The following C8B variants were observed in gnomAD, a reference collection of about 807,000 sequenced individuals.
C8B encodes complement component C8 beta chain.
Under a neutral mutation model 64.6 loss-of-function variants are expected in C8B, and 67 were observed. The observed-to-expected ratio is 1.04, with a 90% CI of 0.85 to 1.27. C8B has a LOEUF of 1.27. Ranked by LOEUF, C8B falls within the 50% of genes most tolerant of loss-of-function variation. The pLI is 0.00. For synonymous variants in C8B, 284 were observed against 257.7 expected (o/e 1.10, Z -0.98); for missense variants, 790 against 725.2 (o/e 1.09, Z -1.03).
Position 56,949,722 on chromosome 1 carries a change from C to A in C8B, c.697G>T (p.Glu233Ter). 1 of 1,613,400 alleles carries A rather than the reference C, an allele frequency of 6.2e-7. No individual in the cohort carries two copies. The highest frequency in any genetic ancestry group is 1.3e-5 in the African/African-American group (1 of 75,006). Residue 233 changes from glutamate (E) to a stop codon, truncating the protein, a stop_gained, in exon 6 of 12, where the codon GAG becomes TAG. Transcript: ENST00000371237. LOFTEE classifies it high-confidence loss of function. ...TCAAAATCTGAGTATGATTCATACT[C>A]TTTTAATATGAATTCGTATTTGCCT... ...TQGKYEFILK[E>*]YESYSDFERN...
At chr1:56,943,094 T>C (rs924156590) in intron 8 of C8B, among the ~76,000 whole-genome samples, 2 of 150,552 alleles carry the variant, frequency 1.3e-5, no homozygotes, top group African/African-American at 2.4e-5. Context: ...AAATAAAAAA[T>C]AAAAAATAAA....
At chr1:56,959,937 G>T in intron 2 of C8B, 83 bp downstream of exon 2, 12 of 1,448,176 alleles carry the variant, frequency 8.3e-6, no homozygotes, top group Non-Finnish European at 1.1e-5. Context: ...TATGTGCCAG[G>T]CACTGTTAGC....
chr1:56,936,318 A>G (rs1644774061), intron 9 of C8B, among the ~76,000 whole-genome samples: 1 of 152,216 alleles, frequency 6.6e-6, no homozygotes, highest in Non-Finnish European at 1.5e-5. Context: ...GTCATTGAGT[A>G]TTGTAGACTT....
chr1:56,932,472 A>G (rs933028812), intron 10 of C8B, among the ~76,000 whole-genome samples: 8 of 152,116 alleles, frequency 5.3e-5, no homozygotes, highest in African/African-American at 1.9e-4. Flanking sequence ...AGGTGGGTCC[A>G]AGTTTCTAGG....
intron 6 of C8B, among the ~76,000 whole-genome samples, chr1:56,946,910 T>C (rs1644951422): frequency 6.6e-6 from 1 of 152,210 alleles, no homozygotes. Flanking sequence ...CTGGTGCCTA[T>C]TGCCCTGGGG....
intron 9 of C8B, 30 bp downstream of exon 9, chr1:56,940,819 G>A: frequency 6.2e-7 from 1 of 1,613,816 alleles, no homozygotes; most frequent in South Asian, 1.1e-5. Flanking sequence ...TCTGGGTGGA[G>A]GAAAGGATGG....
At chr1:56,944,274 G>C (rs1320535398) in intron 7 of C8B, among the ~76,000 whole-genome samples, 1 of 152,128 alleles carries the variant, frequency 6.6e-6, no homozygotes, top group Non-Finnish European at 1.5e-5. Context: ...ATAGTATCTG[G>C]CAAAGAAAAG....
chr1:56,965,389 G>T (rs777046510), intron 1 of C8B, among the ~76,000 whole-genome samples: 3 of 113,790 alleles, frequency 2.6e-5, no homozygotes, highest in Non-Finnish European at 5.5e-5. Flanking sequence ...GAGAGAGAGA[G>T]AGAGAGAGAG....
At chr1:56,933,045 A>AG (rs1222097655) in intron 10 of C8B, among the ~76,000 whole-genome samples, 1 of 152,184 alleles carries the variant, frequency 6.6e-6, no homozygotes, top group African/African-American at 2.4e-5. Context: ...ACATGCACAA[A>AG]GGGCTTCTCC....
rs201494982 is a variant in C8B at position 56,945,837 on chromosome 1, C to T, written c.1089G>A (p.Glu363=). ...GCAGTATACCTCCTCTCTCCATGGC[C>T]TCTTTGTTCATAACGAGGGTGTATT... ...IYEYTLVMNK[E]AMERGDYTLN... is the part of the protein sequence containing the mutation. The change falls in exon 7 of 12, where the codon GAG becomes GAA. Residue 363 remains glutamate, a synonymous_variant. Coordinates refer to ENST00000371237, the MANE Select transcript of C8B (RefSeq NM_000066.4). 2.5e-6 allele frequency: 4 copies of T among 1,614,124 alleles called. No homozygotes were observed. The highest frequency in any genetic ancestry group is 3.4e-6 in the Non-Finnish European group (4 of 1,180,008).
At chr1:56,959,828 A>G (rs1358573173) in intron 2 of C8B, among the ~76,000 whole-genome samples, 192 bp downstream of exon 2, 2 of 152,224 alleles carry the variant, frequency 1.3e-5, no homozygotes, top group African/African-American at 4.8e-5. Flanking sequence ...GTGTGCTTGG[A>G]AAACACTGGA....
intron 3 of C8B, among the ~76,000 whole-genome samples, chr1:56,956,302 C>A (rs1174877666): frequency 6.6e-6 from 1 of 152,184 alleles, no homozygotes; most frequent in Non-Finnish European, 1.5e-5. Flanking sequence ...TCACTTGATG[C>A]TTATAACAGA....
rs774266775 is a variant in C8B at position 56,949,674 on chromosome 1, C to T, written c.745G>A (p.Ala249Thr). The T allele has an allele frequency of 2.1e-5, 34 of 1,613,846 alleles. No individual in the cohort carries two copies. The highest frequency in any genetic ancestry group is 2.4e-5 in the Non-Finnish European group (28 of 1,179,914). ...CCAAAACTGAAACCAGACTTGCTTG[C>T]CATTTTCTCTGTGACATTGCGTTCA... ...DFERNVTEKM[A>T]SKSGFSFGFK... The change falls in exon 6 of 12, where the codon GCA becomes ACA. Residue 249 changes from alanine (A) to threonine (T), a missense_variant. Physicochemically the swap from Ala to Thr is moderately conservative, Grantham distance 58. Transcript: ENST00000371237.
chr1:56,965,892 A>C lies in C8B; in HGVS notation c.57T>G (p.Cys19Trp). 6.2e-7 allele frequency: 1 copy of C among 1,614,076 alleles called. No homozygotes were observed. Among genetic ancestry groups the C allele is most frequent in the African/African-American group, 1.3e-5 (1 of 75,010 alleles). Residue 19 changes from cysteine (C) to tryptophan (W), a missense_variant, in exon 1 of 12, where the codon TGT (cysteine) becomes TGG (tryptophan). Transcript: ENST00000371237. Reference sequence around the variant, plus strand: ...GCAAACTGAGACAGCCCAGGGCAGCACAGAGAAGAAATAGCTCCACCGGCG... The same window carrying C: ...GCAAACTGAGACAGCCCAGGGCAGCCCAGAGAAGAAATAGCTCCACCGGCG... The part of the protein sequence containing the change: ...WRAPVELFLL[C>W]AALGCLSLPG...
chr1:56,951,857 C>G (rs556240991), intron 5 of C8B, among the ~76,000 whole-genome samples, 191 bp downstream of exon 5: 3 of 152,198 alleles, frequency 2.0e-5, no homozygotes, highest in African/African-American at 7.2e-5. Context: ...GCTCTACAAC[C>G]GCCCTCCTGT....
intron 1 of C8B, 30 bp from the exon 2 acceptor site, chr1:56,960,206 C>A (rs113214180): frequency 2.5e-6 from 4 of 1,606,050 alleles, no homozygotes; most frequent in Non-Finnish European, 3.4e-6. Flanking sequence ...AAGAGAGTCA[C>A]GTATCAGAAG....
At chr1:56,932,890 G>C (rs1644722660) in intron 10 of C8B, among the ~76,000 whole-genome samples, 1 of 152,108 alleles carries the variant, frequency 6.6e-6, no homozygotes, top group African/African-American at 2.4e-5. Flanking sequence ...TATCACAACA[G>C]GAGCATAAGA....
intron 4 of C8B, among the ~76,000 whole-genome samples, chr1:56,954,386 A>G (rs1303247205): frequency 1.3e-5 from 2 of 152,138 alleles, no homozygotes. Flanking sequence ...TGTTAAAATA[A>G]AGGCTCCCCT....
intron 9 of C8B, among the ~76,000 whole-genome samples, chr1:56,936,041 C>T (rs1644770526): frequency 6.6e-6 from 1 of 152,208 alleles, no homozygotes; most frequent in South Asian, 2.1e-4. Context: ...AACTCTTCTT[C>T]TGTTCTTGAG....
Sources: gnomAD v4.1 joint callset for allele counts (sites outside exome capture counted in the v4.1 genomes callset) on GRCh38, gnomAD v4.1.1 for gene constraint, MANE v1.5 for transcripts, NCBI Gene and HGNC (gene_info 2026-07-23, HGNC 2026-07-21) for gene names.